The following FHIT variants were observed in gnomAD, a reference collection of about 807,000 sequenced individuals.
The protein encoded by FHIT is fragile histidine triad diadenosine triphosphatase, also known as bis(5'-adenosyl)-triphosphatase.
In FHIT, 19 loss-of-function variants were observed where a neutral mutation model predicts 17.9. The observed-to-expected ratio is 1.06, with a 90% CI of 0.74 to 1.56. FHIT has a LOEUF of 1.56. FHIT is among the 40% of genes most tolerant of loss of function. The pLI is 0.00. For missense variants in FHIT, 248 were observed against 189.2 expected (o/e 1.31, Z -1.82); for synonymous variants, 81 against 69.7 (o/e 1.16, Z -0.81).
At chr3:59,896,845 A>G (rs1303191766) in intron 8 of FHIT, among the ~76,000 whole-genome samples, 1 of 152,170 alleles carries the variant, frequency 6.6e-6, no homozygotes, top group Non-Finnish European at 1.5e-5. Context: ...ATTACTGACG[A>G]AATCTGGAAC....
At position 60,543,907 on chromosome 3, in the gene FHIT, C is replaced by CTTTTTTTTTTTTTTTTTTTTTT. The variant is rs71092612; in HGVS notation, c.-17-6950_-17-6929dup. Among the ~76,000 whole-genome samples, 95 of 52,060 alleles carry CTTTTTTTTTTTTTTTTTTTTTT rather than the reference C, an allele frequency of 1.8e-3. 8 individuals carry two copies. Among genetic ancestry groups the CTTTTTTTTTTTTTTTTTTTTTT allele is most frequent in the East Asian group, 5.5e-3 (5 of 904 alleles). 34.2% of individuals were successfully genotyped at this position (52,060 alleles called of 152,430 possible). A position where few individuals can be genotyped will look rare whatever the true frequency, so the allele number is the denominator to read the frequency against. ...CTACAAGCGCCCGCACCACGCCCGGCTTTTTTTTTTTTTTTTTTTTTTTTG... is the reference window on the plus strand; with the variant it reads ...CTACAAGCGCCCGCACCACGCCCGGCTTTTTTTTTTTTTTTTTTTTTTTTTTTTTTTTTTTTTTTTTTTTTTG... On this transcript the variant is annotated intron_variant, in intron 4 of 9. Transcript: ENST00000492590.
intron 5 of FHIT, among the ~76,000 whole-genome samples, chr3:60,425,584 G>T (rs780587809): frequency 8.6e-5 from 13 of 152,006 alleles, no homozygotes; most frequent in African/African-American, 1.4e-4. Context: ...GGGCCAACAG[G>T]GAAGCATCCC....
chr3:60,897,686 T>TATTTCTGCAGGCCCTTC (rs1269569614), intron 3 of FHIT, among the ~76,000 whole-genome samples: 1 of 152,214 alleles, frequency 6.6e-6, no homozygotes, highest in Non-Finnish European at 1.5e-5. Flanking sequence ...GCATGACCTT[T>TATTTCTGCAGGCCCTTC]ATTTCTGCAG....
At chr3:60,256,014 T>TA (rs1452763606) in intron 5 of FHIT, among the ~76,000 whole-genome samples, 1 of 152,146 alleles carries the variant, frequency 6.6e-6, no homozygotes, top group Non-Finnish European at 1.5e-5. Flanking sequence ...TGAAAAGGTA[T>TA]TATGGTGAAA....
intron 5 of FHIT, among the ~76,000 whole-genome samples, chr3:60,525,478 A>T (rs372499928): frequency 5.9e-5 from 9 of 152,234 alleles, no homozygotes; most frequent in Admixed American, 6.5e-5. Flanking sequence ...CTTTGTGTAA[A>T]CAATAATTGA....
At chr3:60,367,647 T>C (rs1046602760) in intron 5 of FHIT, among the ~76,000 whole-genome samples, 1 of 151,604 alleles carries the variant, frequency 6.6e-6, no homozygotes, top group Admixed American at 6.6e-5. Context: ...TAACTGCTTG[T>C]TTTTAAAAAA....
intron 4 of FHIT, among the ~76,000 whole-genome samples, chr3:60,739,442 T>C (rs1274703456): frequency 6.6e-6 from 1 of 152,160 alleles, no homozygotes; most frequent in Non-Finnish European, 1.5e-5. Context: ...ATCTGTGTGC[T>C]CCCTCTCCCA....
intron 5 of FHIT, among the ~76,000 whole-genome samples, chr3:60,238,023 G>A (rs1034580318): frequency 4.0e-5 from 6 of 151,708 alleles, no homozygotes; most frequent in African/African-American, 1.4e-4. Context: ...GTACATGCCT[G>A]TAACCTCAGA....
chr3:60,726,984 A>G (rs1171061697), intron 4 of FHIT, among the ~76,000 whole-genome samples: 2 of 152,212 alleles, frequency 1.3e-5, no homozygotes, highest in African/African-American at 2.4e-5. Context: ...TATATTTATA[A>G]TAACTTTATA....
At chr3:60,127,120 A>T (rs1217781276) in intron 5 of FHIT, among the ~76,000 whole-genome samples, 2 of 152,112 alleles carry the variant, frequency 1.3e-5, no homozygotes, top group African/African-American at 4.8e-5. Flanking sequence ...CAATTACACA[A>T]GCGATCCCAT....
chr3:60,776,151 G>A (rs964607966), intron 4 of FHIT, among the ~76,000 whole-genome samples: 14 of 152,098 alleles, frequency 9.2e-5, no homozygotes, highest in African/African-American at 3.1e-4. Context: ...TATATCCTGA[G>A]GGCATGGCTG....
At chr3:60,723,299 A>T (rs1331629434) in intron 4 of FHIT, among the ~76,000 whole-genome samples, 2 of 152,208 alleles carry the variant, frequency 1.3e-5, no homozygotes, top group Admixed American at 6.5e-5. Flanking sequence ...TATCCTTAGA[A>T]GGCCTGTTTG....
At chr3:60,069,932 T>G (rs1229263488) in intron 5 of FHIT, among the ~76,000 whole-genome samples, 1 of 152,206 alleles carries the variant, frequency 6.6e-6, no homozygotes, top group Non-Finnish European at 1.5e-5. Flanking sequence ...CTAGCACACT[T>G]TTCTCCTCGC....
chr3:61,214,958 C>T (rs1430609608), intron 1 of FHIT, among the ~76,000 whole-genome samples: 2 of 151,778 alleles, frequency 1.3e-5, no homozygotes. Context: ...AATTCAACAA[C>T]TCTTCATGCT....
chr3:60,939,784 A>G (rs538177196), intron 3 of FHIT, among the ~76,000 whole-genome samples: 1 of 152,252 alleles, frequency 6.6e-6, no homozygotes, highest in African/African-American at 2.4e-5. Flanking sequence ...ATACACATAG[A>G]TATACATGTT....
At chr3:60,629,891 T>G (rs1298968081) in intron 4 of FHIT, among the ~76,000 whole-genome samples, 1 of 152,208 alleles carries the variant, frequency 6.6e-6, no homozygotes, top group Non-Finnish European at 1.5e-5. Context: ...TTATTCACTC[T>G]AGTATTCTCA....
chr3:60,461,850 T>C (rs1004627931), intron 5 of FHIT, among the ~76,000 whole-genome samples: 8 of 152,158 alleles, frequency 5.3e-5, no homozygotes, highest in African/African-American at 1.9e-4. Flanking sequence ...TGAATGTGTT[T>C]GATACACTGA....
intron 4 of FHIT, among the ~76,000 whole-genome samples, chr3:60,538,149 G>C (rs1039448727): frequency 3.9e-5 from 6 of 152,132 alleles, no homozygotes; most frequent in Admixed American, 1.3e-4. Flanking sequence ...ACCAATAACA[G>C]ACAACAGAGA....
chr3:59,820,960 T>C (rs1212014130), intron 8 of FHIT, among the ~76,000 whole-genome samples: 1 of 152,132 alleles, frequency 6.6e-6, no homozygotes. Flanking sequence ...ATGAGTGTCA[T>C]GAAAGGAAAG....
Sources: allele counts gnomAD v4.1 joint callset (sites outside exome capture counted in the v4.1 genomes callset), GRCh38; gene constraint gnomAD v4.1.1; transcripts MANE v1.5; gene names NCBI Gene and HGNC (gene_info 2026-07-23, HGNC 2026-07-21).